The following TJP1 variants were observed in gnomAD, a reference collection of about 807,000 sequenced individuals.
TJP1 encodes tight junction protein ZO-1.
A neutral mutation model predicts 194.2 loss-of-function variants in TJP1; 43 were observed. The observed-to-expected ratio is 0.22, with a 90% CI of 0.17 to 0.29. The LOEUF (loss-of-function observed/expected upper bound fraction) is 0.29, where lower values mean the gene tolerates loss of function less well. TJP1 is among the 10% of genes least tolerant of loss of function. TJP1 has a pLI of 1.00. For missense variants in TJP1, 1,971 were observed against 2,185.7 expected, an observed-to-expected ratio of 0.90 and a Z score of 1.96; for synonymous variants, 801 against 779.0, an observed-to-expected ratio of 1.03 and a Z score of -0.47.
chr15:29,931,850 T>C (rs2054725439), intron 2 of TJP1, among the ~76,000 whole-genome samples: 1 of 152,196 alleles, frequency 6.6e-6, no homozygotes, highest in Admixed American at 6.5e-5. Context: ...GGTTGCCCAT[T>C]TTTATGGTTA....
chr15:29,784,600 G>A (rs532674770), intron 2 of TJP1, among the ~76,000 whole-genome samples: 1 of 152,146 alleles, frequency 6.6e-6, no homozygotes, highest in African/African-American at 2.4e-5. Context: ...GTACCCAGCC[G>A]AGTCAAGGAT....
intron 1 of TJP1, among the ~76,000 whole-genome samples, chr15:29,807,293 G>C (rs2049174082): frequency 6.6e-6 from 1 of 152,190 alleles, no homozygotes; most frequent in South Asian, 2.1e-4. Flanking sequence ...TAAAGTAAGA[G>C]TGAAAGAACA....
intron 18 of TJP1, among the ~76,000 whole-genome samples, chr15:29,724,840 C>A (rs2151177703): frequency 6.6e-6 from 1 of 152,214 alleles, no homozygotes; most frequent in East Asian, 1.9e-4. Context: ...ACATAAAAAG[C>A]TAGAAAGTTG....
intron 1 of TJP1, chr15:29,968,537 C>G: frequency 1.2e-6 from 1 of 809,862 alleles, no homozygotes. Context: ...CCCCGCGTCC[C>G]GTCGGGCCCG....
intron 15 of TJP1, chr15:29,728,864 A>G (rs2043411559): frequency 6.6e-6 from 1 of 152,186 alleles, no homozygotes; most frequent in South Asian, 2.1e-4. Flanking sequence ...AAATCTAGTG[A>G]ACACTGGAGA....
intron 2 of TJP1, among the ~76,000 whole-genome samples, chr15:29,850,209 C>T (rs558038536): frequency 2.0e-5 from 3 of 152,308 alleles, no homozygotes; most frequent in Admixed American, 6.5e-5. Flanking sequence ...TTCTGGCTGA[C>T]GTCTTGACTG....
intron 2 of TJP1, among the ~76,000 whole-genome samples, chr15:29,789,120 CTTT>C (rs199818430): frequency 1.3e-5 from 2 of 150,840 alleles, no homozygotes; most frequent in East Asian, 3.9e-4. Flanking sequence ...ACCTGTTTTT[CTTT>C]TTTTTTACAG....
intron 2 of TJP1, among the ~76,000 whole-genome samples, chr15:29,919,323 C>T (rs1451497292): frequency 1.3e-5 from 2 of 152,172 alleles, no homozygotes; most frequent in African/African-American, 4.8e-5. Flanking sequence ...CACAAGGGCA[C>T]AGGAGATGAA....
At chr15:29,864,560 C>T (rs770494248) in intron 2 of TJP1, among the ~76,000 whole-genome samples, 6 of 152,128 alleles carry the variant, frequency 3.9e-5, no homozygotes, top group Non-Finnish European at 8.8e-5. Context: ...TTTTCAGCTT[C>T]AGTTACCTGC....
intron 2 of TJP1, among the ~76,000 whole-genome samples, chr15:29,887,531 C>T (rs913636051): frequency 1.3e-5 from 2 of 151,814 alleles, no homozygotes; most frequent in African/African-American, 4.8e-5. Context: ...GAACTCCTGA[C>T]CTCAGATGAT....
chr15:29,784,156 T>C (rs2047550969), intron 2 of TJP1, among the ~76,000 whole-genome samples: 1 of 152,112 alleles, frequency 6.6e-6, no homozygotes, highest in African/African-American at 2.4e-5. Flanking sequence ...CTGATACTAT[T>C]TTTGAAAAAA....
At chr15:29,789,168 A>G (rs1044481761) in intron 2 of TJP1, among the ~76,000 whole-genome samples, 2 of 152,060 alleles carry the variant, frequency 1.3e-5, no homozygotes, top group Non-Finnish European at 2.9e-5. Flanking sequence ...TTAAATTTAC[A>G]TATGTGGTTT....
intron 2 of TJP1, among the ~76,000 whole-genome samples, chr15:29,949,033 C>T (rs949839647): frequency 6.8e-6 from 1 of 147,772 alleles, no homozygotes; most frequent in Non-Finnish European, 1.5e-5. Flanking sequence ...CACAAACACC[C>T]ACCACCATCA....
chr15:29,717,383 A>G (rs1231277149), intron 22 of TJP1, among the ~76,000 whole-genome samples: 1 of 152,250 alleles, frequency 6.6e-6, no homozygotes, highest in African/African-American at 2.4e-5. Context: ...AAGTGCAAAC[A>G]TATATTCAGT....
Position 29,727,939 on chromosome 15 carries a change from G to C in TJP1, c.2098C>G (p.Gln700Glu). ...TGGGTCAAGTTTTAATAACTTACTT[G>C]ATCTATGATTTGCTTTATTGTATGC... Reference protein sequence around the residue: ...RLHTIKQIIDQDKHALLDVTP... With the variant: ...RLHTIKQIIDEDKHALLDVTP... The change falls in exon 16 of 28, where the codon CAA becomes GAA. Residue 700 changes from glutamine to glutamate, a missense_variant and splice_region_variant. By Grantham distance (29) the Gln-to-Glu change is conservative (BLOSUM62 2). Coordinates refer to ENST00000614355, the MANE Select transcript of TJP1 (RefSeq NM_001330239.4). 6.2e-7 allele frequency: 1 copy of C among 1,613,188 alleles called. No homozygotes were observed. Among genetic ancestry groups the C allele is most frequent in the Non-Finnish European group, 8.5e-7 (1 of 1,179,312 alleles).
At chr15:29,810,078 G>C (rs1288024674) in intron 1 of TJP1, among the ~76,000 whole-genome samples, 1 of 152,178 alleles carries the variant, frequency 6.6e-6, no homozygotes, top group African/African-American at 2.4e-5. Flanking sequence ...ATGCTCCAAA[G>C]AGAATTTTCT....
chr15:29,888,172 T>C (rs1484598614), intron 2 of TJP1, among the ~76,000 whole-genome samples: 2 of 152,084 alleles, frequency 1.3e-5, no homozygotes, highest in Admixed American at 6.5e-5. Flanking sequence ...GCATATTCAA[T>C]AAAAATACAA....
In TJP1 at chr15:29,710,731, G is replaced by C. The variant is rs374054698; in HGVS notation, c.4372+100C>G. 51 of 1,452,432 alleles carry C rather than the reference G, an allele frequency of 3.5e-5. No homozygotes were observed. In the African/African-American group the frequency reaches 5.0e-4, roughly 14 times the overall value. The allele number at this position is 1,452,432 out of a possible 1,614,324, so 90.0% of individuals were successfully genotyped here. ...ACTGTTCCCAGCCCAAAGGTTTCAAGCATGTATTTTTTAATGTAAAAACCA... is the reference window on the plus strand; with the variant it reads ...ACTGTTCCCAGCCCAAAGGTTTCAACCATGTATTTTTTAATGTAAAAACCA... On this transcript the variant is annotated intron_variant, in intron 24 of 27. Transcript: ENST00000614355.
rs1453985961 is a variant in TJP1 at position 29,860,617 on chromosome 15, T to C, written c.307-59915A>G. Among the ~76,000 whole-genome samples, 4 of 152,244 alleles carry C rather than the reference T, an allele frequency of 2.6e-5. No homozygotes were observed. The East Asian group carries it at 7.7e-4, about 29-fold the overall frequency. ...CATGTATTAATACTTCATTACTTTT[T>C]ATGGGTGAACAATAGTATGGATATA... On this transcript the variant is annotated intron_variant, in intron 2 of 28. Coordinates refer to the TJP1 transcript ENST00000356107.
Sources: allele counts gnomAD v4.1 joint callset (sites outside exome capture counted in the v4.1 genomes callset), GRCh38; gene constraint gnomAD v4.1.1; transcripts MANE v1.5; gene names NCBI Gene and HGNC (gene_info 2026-07-23, HGNC 2026-07-21).